Variants in STK4 observed in about 807,000 individuals in gnomAD.
STK4 encodes serine/threonine kinase 4, also known as serine/threonine-protein kinase 4.
STK4 carries 30 observed loss-of-function variants against 64.9 expected under a neutral mutation model. The ratio of observed to expected loss-of-function variants is 0.46; its 90% CI spans 0.35 to 0.63. STK4 has a LOEUF of 0.63. STK4 is among the 20% of genes least tolerant of loss of function. The pLI, the probability that STK4 is intolerant of heterozygous loss-of-function variation, is 0.01. For missense variants in STK4, 466 were observed against 598.5 expected (o/e 0.78, Z 2.31); for synonymous variants, 177 against 199.0 (o/e 0.89, Z 0.93).
intron 9 of STK4, among the ~76,000 whole-genome samples, chr20:45,009,830 C>A (rs952494702): frequency 3.3e-5 from 5 of 152,080 alleles, no homozygotes; most frequent in Admixed American, 3.3e-4. Context: ...CACTCTCAGC[C>A]TGGCCATTGT....
intron 10 of STK4, among the ~76,000 whole-genome samples, chr20:45,026,318 AGTGTGT>A (rs113148879): frequency 3.8e-4 from 56 of 145,686 alleles, no homozygotes; most frequent in African/African-American, 1.3e-3. Context: ...AGACAGAAAG[AGTGTGT>A]GTGTGTGTGT....
rs1356997841 is a variant in STK4, at chr20:45,077,537, A to G, written c.*2361A>G. On this transcript the variant is annotated 3_prime_UTR_variant, in exon 11 of 11. Transcript: ENST00000372806. ...TTCTGCTGGGATTACAGCATATGCC[A>G]CCATGCCCAGATTATTTTTTTGTAT... 6.6e-6 allele frequency: 1 copy of G among 152,238 alleles called. No individual in the cohort carries two copies. Among genetic ancestry groups the G allele is most frequent in the Non-Finnish European group, 1.5e-5 (1 of 68,156 alleles). 9.4% of individuals were successfully genotyped at this position (152,238 alleles called of 1,614,324 possible). A position where few individuals can be genotyped will look rare whatever the true frequency, so the allele number is the denominator to read the frequency against.
chr20:45,044,795 G>GCTTTAGC (rs2068668031), intron 10 of STK4, among the ~76,000 whole-genome samples: 1 of 152,180 alleles, frequency 6.6e-6, no homozygotes. Context: ...AATGGCCCAG[G>GCTTTAGC]CTTTAGCTGG....
chr20:44,989,779 C>T (rs2067599509), intron 5 of STK4, among the ~76,000 whole-genome samples: 1 of 152,134 alleles, frequency 6.6e-6, no homozygotes, highest in South Asian at 2.1e-4. Context: ...AGATAGGCAT[C>T]CAATTTCATT....
In STK4 at chr20:44,970,528, G is replaced by A. The variant is rs999041482; in HGVS notation, c.36-1550G>A. On this transcript the variant is annotated intron_variant, in intron 1 of 10. Coordinates refer to ENST00000372806, the MANE Select transcript of STK4 (RefSeq NM_006282.5). ...AAAAACCCTGGCATATGAGATGTTC[G>A]TTCTGACTTCTGAGTTTATAGAAGT... 2.4e-4 allele frequency: 36 copies of A among 152,146 alleles called. 1 individual carries two copies. The highest frequency in any genetic ancestry group is 7.7e-4 in the African/African-American group (32 of 41,428). The allele number at this position is 152,146 out of a possible 1,614,324, so 9.4% of individuals were successfully genotyped here.
rs184384478 is a variant in STK4, at chr20:45,064,112, G to T, written c.1306-10906G>T. 2.8e-4 allele frequency among the ~76,000 whole-genome samples: 43 copies of T among 152,126 alleles called. No homozygotes were observed. The East Asian group carries it at 3.1e-3, about 11-fold the overall frequency. ...CGTGAGCCACTGCGCCCGGCCAAGG[G>T]GGGGGGTCCAGTTTTAATCTTCTGC... is the stretch of plus-strand genomic sequence containing the variant. On this transcript the variant is annotated intron_variant, in intron 10 of 10. Coordinates refer to ENST00000372806, the MANE Select transcript of STK4 (RefSeq NM_006282.5).
At chr20:45,066,181 T>TACACACAC (rs11472596) in intron 10 of STK4, among the ~76,000 whole-genome samples, 2,648 of 147,584 alleles carry the variant, frequency 0.018, 39 homozygotes, top group African/African-American at 0.042. Context: ...ATTATATATC[T>TACACACAC]ACACACACAC....
At chr20:45,065,897 T>C (rs576498976) in intron 10 of STK4, among the ~76,000 whole-genome samples, 23 of 152,242 alleles carry the variant, frequency 1.5e-4, no homozygotes, top group African/African-American at 5.5e-4. Flanking sequence ...ATTTTGGTTA[T>C]TTATTTTTGT....
chr20:44,975,411 G>T, intron 2 of STK4: 1 of 982,348 alleles, frequency 1.0e-6, no homozygotes, highest in Non-Finnish European at 1.2e-6. Context: ...GCATAGGGAG[G>T]TATGAAGAGT....
In STK4 at chr20:45,024,967, T is replaced by G; in HGVS notation, c.1148-6T>G. 6.5e-7 allele frequency: 1 copy of G among 1,550,210 alleles called. No individual in the cohort carries two copies. Among genetic ancestry groups the G allele is most frequent in the Non-Finnish European group, 8.7e-7 (1 of 1,152,464 alleles). ...CTTTTCATTTTTCATTTTTCTTTGT[T>G]TTCAGGAAGGGATGAGACCATGCAG... On this transcript the variant is annotated splice_region_variant and splice_polypyrimidine_tract_variant and intron_variant, in intron 9 of 10. Transcript: ENST00000372806.
chr20:45,012,952 T>A (rs2068079985), intron 9 of STK4, among the ~76,000 whole-genome samples: 2 of 8,806 alleles, frequency 2.3e-4, no homozygotes, highest in Admixed American at 2.4e-3. Context: ...CCTGTGATTT[T>A]TTTTTTTTTT....
At chr20:45,028,328 T>TC (rs1287756279) in intron 10 of STK4, among the ~76,000 whole-genome samples, 4 of 138,340 alleles carry the variant, frequency 2.9e-5, no homozygotes, top group Non-Finnish European at 6.3e-5. Flanking sequence ...GATATCTCTC[T>TC]TTTTTTTTTT....
At chr20:45,025,780 T>G (rs1341637917) in intron 10 of STK4, among the ~76,000 whole-genome samples, 1 of 152,200 alleles carries the variant, frequency 6.6e-6, no homozygotes, top group African/African-American at 2.4e-5. Flanking sequence ...GAGCTTTTTA[T>G]TTTTACATTC....
At chr20:45,068,080 C>A (rs1172244648) in intron 10 of STK4, among the ~76,000 whole-genome samples, 1 of 152,184 alleles carries the variant, frequency 6.6e-6, no homozygotes, top group South Asian at 2.1e-4. Context: ...ATGTTATATA[C>A]CTTACCAATA....
intron 4 of STK4, among the ~76,000 whole-genome samples, chr20:44,985,510 T>G (rs903582515): frequency 3.3e-5 from 5 of 152,104 alleles, no homozygotes; most frequent in African/African-American, 4.8e-5. Context: ...ACCCAGCTAA[T>G]TTTTGTATTT....
intron 10 of STK4, among the ~76,000 whole-genome samples, chr20:45,061,424 T>G (rs1168854114): frequency 6.6e-6 from 1 of 152,156 alleles, no homozygotes; most frequent in East Asian, 1.9e-4. Context: ...TGAGGAAACC[T>G]TGTGCCATCC....
chr20:45,060,626 C>G (rs981658548), intron 10 of STK4, among the ~76,000 whole-genome samples: 1 of 152,182 alleles, frequency 6.6e-6, no homozygotes, highest in African/African-American at 2.4e-5. Flanking sequence ...GCCTATATCT[C>G]TCTAAGCCTC....
intron 2 of STK4, chr20:44,974,892 A>C (rs6073582): frequency 0.26 from 39,515 of 152,122 alleles, 5,834 homozygotes; most frequent in Middle Eastern, 0.43. Context: ...ATTCTGTGTT[A>C]TGAGGATCAT....
chr20:45,051,363 T>A (rs2068774479), intron 10 of STK4, among the ~76,000 whole-genome samples: 1 of 152,244 alleles, frequency 6.6e-6, no homozygotes, highest in African/African-American at 2.4e-5. Context: ...CTTTAGTTTC[T>A]TTCTTTTCTC....
Sources: allele counts gnomAD v4.1 joint callset (sites outside exome capture counted in the v4.1 genomes callset), GRCh38; gene constraint gnomAD v4.1.1; transcripts MANE v1.5; gene names NCBI Gene and HGNC (gene_info 2026-07-23, HGNC 2026-07-21).